ADCY5: variants seen among roughly 807,000 people sequenced by gnomAD.
The protein encoded by ADCY5 is adenylate cyclase 5.
Under a neutral mutation model 119.7 loss-of-function variants are expected in ADCY5, and 30 were observed. That is an observed-to-expected ratio of 0.25 (90% CI 0.19 to 0.34). ADCY5 has a LOEUF of 0.34. Ranked by LOEUF, ADCY5 falls within the 10% of genes least tolerant of loss-of-function variation. The pLI is 1.00. For missense variants in ADCY5, 1,324 were observed against 1,775.2 expected, an observed-to-expected ratio of 0.75 and a Z score of 4.57; for synonymous variants, 753 against 762.2, an observed-to-expected ratio of 0.99 and a Z score of 0.20.
intron 1 of ADCY5, among the ~76,000 whole-genome samples, chr3:123,411,616 T>C (rs1393479484): frequency 6.6e-6 from 1 of 152,146 alleles, no homozygotes; most frequent in Non-Finnish European, 1.5e-5. Flanking sequence ...CAACATGTTT[T>C]AAGTCCAAGC....
rs1213096816 is a variant in ADCY5 at position 123,448,240 on chromosome 3, G to A, written c.306C>T (p.Ala102=). ...AGTCGTCGCCGCCGCGCTCCTGCCAGGCGGACTTGGAGCGGAAGCTGAAGC... is the reference window on the plus strand; with the variant it reads ...AGTCGTCGCCGCCGCGCTCCTGCCAAGCGGACTTGGAGCGGAAGCTGAAGC... The part of the protein sequence containing the change: ...GFGFSFRSKS[A]WQERGGDDCG... Residue 102 remains alanine, a synonymous_variant, in exon 1 of 21, where the codon GCC becomes GCT. Coordinates refer to ENST00000462833, the MANE Select transcript of ADCY5 (RefSeq NM_183357.3). 2.8e-6 allele frequency: 4 copies of A among 1,445,686 alleles called. No individual in the cohort carries two copies. In the Admixed American group the frequency reaches 9.5e-5, roughly 34 times the overall value. The allele number at this position is 1,445,686 out of a possible 1,614,324, so 89.6% of individuals were successfully genotyped here. A position where few individuals can be genotyped will look rare whatever the true frequency, so the allele number is the denominator to read the frequency against.
intron 1 of ADCY5, among the ~76,000 whole-genome samples, chr3:123,384,471 T>C (rs1559852332): frequency 6.6e-6 from 1 of 152,154 alleles, no homozygotes; most frequent in East Asian, 1.9e-4. Context: ...GCCCTGCTGG[T>C]ATTTTCGCCA....
At chr3:123,291,906 TTGCCC>T (rs1446767332) in intron 17 of ADCY5, among the ~76,000 whole-genome samples, 1 of 152,196 alleles carries the variant, frequency 6.6e-6, no homozygotes, top group Non-Finnish European at 1.5e-5. Flanking sequence ...GAGGGCAGAC[TTGCCC>T]CAGAGCCAGA....
chr3:123,329,920 T>C (rs577800324), intron 5 of ADCY5, among the ~76,000 whole-genome samples: 1 of 152,316 alleles, frequency 6.6e-6, no homozygotes, highest in South Asian at 2.1e-4. Flanking sequence ...TTCTGTCTTT[T>C]TGGCTTAACT....
At chr3:123,440,949 C>T (rs528710667) in intron 1 of ADCY5, among the ~76,000 whole-genome samples, 11 of 152,340 alleles carry the variant, frequency 7.2e-5, no homozygotes, top group African/African-American at 2.4e-4. Context: ...CACTCACCAG[C>T]CCCACCTGGA....
intron 1 of ADCY5, among the ~76,000 whole-genome samples, chr3:123,370,136 G>A (rs1943585366): frequency 6.6e-6 from 1 of 152,118 alleles, no homozygotes; most frequent in Non-Finnish European, 1.5e-5. Context: ...CCAGTGGGAG[G>A]AGTGGCAAAT....
At chr3:123,436,478 G>A (rs1371947250) in intron 1 of ADCY5, among the ~76,000 whole-genome samples, 1 of 152,156 alleles carries the variant, frequency 6.6e-6, no homozygotes, top group Non-Finnish European at 1.5e-5. Context: ...GGCCAAGGTG[G>A]GCAGATGACC....
At position 123,300,202 on chromosome 3, in the gene ADCY5, C is replaced by T. The variant is rs113442895; in HGVS notation, c.2818G>A (p.Glu940Lys). The T allele has an allele frequency of 9.3e-4, 1,496 of 1,613,864 alleles. 5 individuals are homozygous for T. The highest frequency in any genetic ancestry group is 2.0e-3 in the South Asian group (179 of 91,088). Residue 940 changes from glutamate to lysine, a missense_variant, in exon 15 of 21, where the codon GAG (glutamate) becomes AAG (lysine). Coordinates refer to ENST00000462833, the MANE Select transcript of ADCY5 (RefSeq NM_183357.3). ...TCCACGATGAGCACGTAGATGAGCT[C>T]GATGGCCAGCATGAGCACCAGCTTC... is the stretch of plus-strand genomic sequence containing the variant. Reference protein sequence around the residue: ...IGKLVLMLAIELIYVLIVEVP... With the variant: ...IGKLVLMLAIKLIYVLIVEVP...
At chr3:123,391,959 G>A (rs1173221700) in intron 1 of ADCY5, among the ~76,000 whole-genome samples, 1 of 152,206 alleles carries the variant, frequency 6.6e-6, no homozygotes, top group Non-Finnish European at 1.5e-5. Context: ...TCCCACCAGA[G>A]TGTCCTGGGG....
At chr3:123,381,437 T>C (rs1056317215) in intron 1 of ADCY5, among the ~76,000 whole-genome samples, 1 of 152,220 alleles carries the variant, frequency 6.6e-6, no homozygotes, top group Non-Finnish European at 1.5e-5. Context: ...ATTGGCTCAA[T>C]GGCAGGTGCC....
chr3:123,362,513 T>C (rs371465226), intron 1 of ADCY5, among the ~76,000 whole-genome samples: 1 of 152,342 alleles, frequency 6.6e-6, no homozygotes, highest in African/African-American at 2.4e-5. Context: ...TATTTTTAAT[T>C]ACTTATTCCT....
rs759180970 is a variant in ADCY5, at chr3:123,330,909, C to A, written c.1626G>T (p.Met542Ile). 6.8e-6 allele frequency: 11 copies of A among 1,613,368 alleles called. No homozygotes were observed. The South Asian group carries it at 1.1e-4, about 16-fold the overall frequency. The change falls in exon 5 of 21, where the codon ATG (methionine) becomes ATT (isoleucine). Residue 542 changes from methionine to isoleucine, a missense_variant. Transcript: ENST00000462833. The part of the protein sequence containing the change: ...DHAHCCVEMG[M>I]DMIEAISLVR... ...CTTACGAGATGGCCTCGATCATGTC[C>A]ATGCCCATCTCCACACAGCAGTGGG...
intron 1 of ADCY5, among the ~76,000 whole-genome samples, chr3:123,378,599 G>A (rs953409444): frequency 2.0e-5 from 3 of 152,186 alleles, no homozygotes; most frequent in Non-Finnish European, 2.9e-5. Flanking sequence ...AGATGGCCTC[G>A]CTGGGCCTGG....
At chr3:123,332,926 T>A (rs1941834210) in intron 3 of ADCY5, among the ~76,000 whole-genome samples, 1 of 151,608 alleles carries the variant, frequency 6.6e-6, no homozygotes, top group Admixed American at 6.6e-5. Context: ...GGCTAACTTT[T>A]TTTTTTTTTT....
At chr3:123,429,512 A>C (rs1452180300) in intron 1 of ADCY5, among the ~76,000 whole-genome samples, 1 of 152,036 alleles carries the variant, frequency 6.6e-6, no homozygotes, top group Admixed American at 6.6e-5. Flanking sequence ...TCTCAGGAGC[A>C]CGACCCACCC....
intron 3 of ADCY5, among the ~76,000 whole-genome samples, chr3:123,333,207 G>A (rs939947390): frequency 1.8e-4 from 27 of 152,196 alleles, no homozygotes; most frequent in Non-Finnish European, 1.3e-4. Context: ...TCACCACTTC[G>A]TGACGATATG....
chr3:123,427,808 A>G (rs1397627200), intron 1 of ADCY5, among the ~76,000 whole-genome samples: 1 of 152,240 alleles, frequency 6.6e-6, no homozygotes, highest in Non-Finnish European at 1.5e-5. Context: ...CACAGGTGGC[A>G]GTTATTTACA....
chr3:123,415,109 A>C (rs1282241800), intron 1 of ADCY5, among the ~76,000 whole-genome samples: 2 of 152,188 alleles, frequency 1.3e-5, no homozygotes, highest in African/African-American at 4.8e-5. Flanking sequence ...GGATTCTCCC[A>C]CAGCCCCCAC....
chr3:123,323,037 C>T (rs573708338), intron 8 of ADCY5, among the ~76,000 whole-genome samples: 31 of 152,324 alleles, frequency 2.0e-4, no homozygotes, highest in East Asian at 7.7e-4. Flanking sequence ...ATGGCCCTCG[C>T]GGCACTGAGG....
Sources: allele counts gnomAD v4.1 joint callset (sites outside exome capture counted in the v4.1 genomes callset), GRCh38; gene constraint gnomAD v4.1.1; transcripts MANE v1.5; gene names NCBI Gene and HGNC (gene_info 2026-07-23, HGNC 2026-07-21).